The following EVC2 variants were observed in gnomAD, a reference collection of about 807,000 sequenced individuals.
EVC2 encodes limbin.
A neutral mutation model predicts 149.3 loss-of-function variants in EVC2; 148 were observed. The observed-to-expected ratio is 0.99, with a 90% confidence interval of 0.87 to 1.14. The LOEUF is 1.14. Among genes scored for constraint, EVC2 ranks in the 50% most tolerant of loss-of-function variants. The pLI, the probability that EVC2 is intolerant of heterozygous loss-of-function variation, is 0.00. For missense variants in EVC2, 1,854 were observed against 1,627.3 expected, an observed-to-expected ratio of 1.14 and a Z score of -2.40; for synonymous variants, 776 against 649.9, an observed-to-expected ratio of 1.19 and a Z score of -2.95.
intron 10 of EVC2, among the ~76,000 whole-genome samples, chr4:5,632,812 T>C (rs1381932151): frequency 1.3e-5 from 2 of 152,122 alleles, no homozygotes; most frequent in Non-Finnish European, 2.9e-5. Flanking sequence ...AGTAAGGAGC[T>C]GAGATATTAT....
intron 16 of EVC2, among the ~76,000 whole-genome samples, chr4:5,588,794 A>G (rs1712528863): frequency 6.6e-6 from 1 of 152,208 alleles, no homozygotes; most frequent in Non-Finnish European, 1.5e-5. Flanking sequence ...TTTTTTGAAC[A>G]TATTAAACAA....
intron 21 of EVC2, among the ~76,000 whole-genome samples, chr4:5,549,134 G>A (rs1721683650): frequency 6.6e-6 from 1 of 152,016 alleles, no homozygotes; most frequent in Admixed American, 6.6e-5. Flanking sequence ...AAACTGAATA[G>A]CAACAATAAA....
At chr4:5,671,621 C>T in intron 7 of EVC2, among the ~76,000 whole-genome samples, 1 of 152,312 alleles carries the variant, frequency 6.6e-6, no homozygotes, top group East Asian at 1.9e-4. Context: ...AAGCGATTCT[C>T]CTGCCTCAGC....
chr4:5,531,311 T>C, the EVC2 span, among the ~76,000 whole-genome samples: 1 of 152,182 alleles, frequency 6.6e-6, no homozygotes, highest in Non-Finnish European at 1.5e-5. Flanking sequence ...AGGAGATTGG[T>C]TCCAGGACCC....
intron 21 of EVC2, among the ~76,000 whole-genome samples, chr4:5,557,374 A>G (rs1721857308): frequency 6.6e-6 from 1 of 152,278 alleles, no homozygotes; most frequent in South Asian, 2.1e-4. Context: ...CACATACGAT[A>G]AAATCTCTCA....
chr4:5,665,571 G>A lies in EVC2; in HGVS notation c.949C>T (p.Leu317Phe). The A allele has an allele frequency of 1.2e-6, 2 of 1,614,212 alleles. No homozygotes were observed. The highest frequency in any genetic ancestry group is 1.1e-5 in the South Asian group (1 of 91,084). The change falls in exon 8 of 22, where the codon CTC (leucine) becomes TTC (phenylalanine). Residue 317 changes from leucine (L) to phenylalanine (F), a missense_variant. Leu to Phe is a conservative substitution (Grantham distance 22). Transcript: ENST00000344408. Reference sequence around the variant, plus strand: ...CACTGATAGCGAACCATGAGGAAGAGGGCAGCCCAGGTCAGCACAAGGGAG... The same window carrying A: ...CACTGATAGCGAACCATGAGGAAGAAGGCAGCCCAGGTCAGCACAAGGGAG... ...LLSLVLTWAA[L>F]FLMVRYQCLK...
chr4:5,695,347 CAA>C (rs554000879), intron 2 of EVC2, among the ~76,000 whole-genome samples: 3 of 110,686 alleles, frequency 2.7e-5, no homozygotes, highest in Admixed American at 1.0e-4. Flanking sequence ...GACTCCATCT[CAA>C]AAAAAAAAAA....
Position 5,628,732 on chromosome 4 carries a change from C to G in EVC2, c.1713G>C (p.Glu571Asp), listed in dbSNP as rs756271071. 3 of 1,592,574 alleles carry G rather than the reference C, an allele frequency of 1.9e-6. No homozygotes were observed. Among genetic ancestry groups the G allele is most frequent in the South Asian group, 2.2e-5 (2 of 90,462 alleles). The stretch of plus-strand genomic sequence containing the variant: ...AAAAGTCCATTAACTCTTCTACATT[C>G]TCCTGTCAATTAAAAAAAAAAACAA... ...MLLQNYSKIQ[E>D]NVEELMDFFQ... The change falls in exon 12 of 22, where the codon GAG (glutamate) becomes GAC (aspartate). Residue 571 changes from glutamate to aspartate, a missense_variant and splice_region_variant. Physicochemically the swap from Glu to Asp is conservative, Grantham distance 45. Coordinates refer to ENST00000344408, the MANE Select transcript of EVC2 (RefSeq NM_147127.5).
chr4:5,631,705 G>C, intron 11 of EVC2, 88 bp downstream of exon 11: 2 of 1,556,054 alleles, frequency 1.3e-6, no homozygotes, highest in Middle Eastern at 3.9e-4. Context: ...GTACAAAGGA[G>C]AGGCAGGACT....
chr4:5,600,367 T>TA (rs1272941901), intron 16 of EVC2, among the ~76,000 whole-genome samples: 1 of 152,168 alleles, frequency 6.6e-6, no homozygotes, highest in African/African-American at 2.4e-5. Context: ...ACAAAACAGA[T>TA]AAAAATAATG....
chr4:5,576,587 G>A lies in EVC2; in HGVS notation c.3058-133C>T. The A allele has an allele frequency of 6.7e-7, 1 of 1,485,856 alleles. No homozygotes were observed. Among genetic ancestry groups the A allele is most frequent in the Non-Finnish European group, 9.1e-7 (1 of 1,104,962 alleles). The allele number at this position is 1,485,856 out of a possible 1,614,324, so 92.0% of individuals were successfully genotyped here. A position where few individuals can be genotyped will look rare whatever the true frequency, so the allele number is the denominator to read the frequency against. On this transcript the variant is annotated intron_variant, in intron 17 of 21. Transcript: ENST00000344408. This position sits in a 1 kb window ranked among gnomAD's most constrained non-coding sequence, Gnocchi z 4.5. ...CTTGCCTGGTTCCCCATCCAGCTGTGCCACATGGTGCAATGTGAGTGCACC... is the reference window on the plus strand; with the variant it reads ...CTTGCCTGGTTCCCCATCCAGCTGTACCACATGGTGCAATGTGAGTGCACC...
intron 16 of EVC2, among the ~76,000 whole-genome samples, chr4:5,590,524 G>A (rs1320759082): frequency 6.6e-6 from 1 of 152,054 alleles, no homozygotes; most frequent in East Asian, 1.9e-4. Flanking sequence ...TCTTCCAAAA[G>A]ACTCCACCCC....
At chr4:5,684,340 C>T (rs1028936008) in intron 6 of EVC2, among the ~76,000 whole-genome samples, 3 of 152,170 alleles carry the variant, frequency 2.0e-5, no homozygotes. Flanking sequence ...AGCAGAACCA[C>T]CACACTGGCC....
Position 5,640,657 on chromosome 4 carries a change from T to C in EVC2, c.1327A>G (p.Ile443Val), listed in dbSNP as rs777183697. 4.3e-6 allele frequency: 7 copies of C among 1,614,054 alleles called. No individual in the cohort carries two copies. The highest frequency in any genetic ancestry group is 5.9e-6 in the Non-Finnish European group (7 of 1,180,032). ...ATCTTCCGATCGTACTCCTCTTGTA[T>C]TTCATTTTCCAGCAATAGAAACTGC... ...KKQFLLLENE[I>V]QEEYDRKMVA... Residue 443 changes from isoleucine to valine, a missense_variant, in exon 10 of 22, where the codon ATA (isoleucine) becomes GTA (valine). Transcript: ENST00000344408. The surrounding 1 kb of genome is among the most constrained non-coding windows in gnomAD (Gnocchi z 4.6).
At chr4:5,663,624 C>T (rs1229834836) in intron 8 of EVC2, among the ~76,000 whole-genome samples, 7 of 152,236 alleles carry the variant, frequency 4.6e-5, no homozygotes, top group Non-Finnish European at 7.4e-5. Flanking sequence ...AGTTTCTAAT[C>T]GGAATATAGG....
chr4:5,703,372 C>A (rs977983333), intron 1 of EVC2, among the ~76,000 whole-genome samples: 2 of 152,184 alleles, frequency 1.3e-5, no homozygotes, highest in Admixed American at 6.5e-5. Flanking sequence ...GAAAGCTGGA[C>A]TGAGCACCAA....
At chr4:5,703,068 T>A (rs1383939976) in intron 1 of EVC2, among the ~76,000 whole-genome samples, 1 of 152,080 alleles carries the variant, frequency 6.6e-6, no homozygotes, top group East Asian at 1.9e-4. Flanking sequence ...CATCAATAGG[T>A]TCATGGCAAC....
At chr4:5,662,165 T>G (rs1718922702) in intron 9 of EVC2, among the ~76,000 whole-genome samples, 1 of 152,246 alleles carries the variant, frequency 6.6e-6, no homozygotes, top group South Asian at 2.1e-4. Context: ...ACCTTGCTCC[T>G]TTCACGTCCT....
intron 16 of EVC2, among the ~76,000 whole-genome samples, chr4:5,612,921 CCAAAAAAAAAAAAAAA>C (rs1411498365): frequency 1.2e-4 from 8 of 69,184 alleles, no homozygotes; most frequent in Admixed American, 8.8e-4. Flanking sequence ...GACTCTGTCT[CCAAAAAAAAAAAAAAA>C]AAAAAAAAAA....
Sources: gnomAD v4.1 joint callset for allele counts (sites outside exome capture counted in the v4.1 genomes callset) on GRCh38, gnomAD v4.1.1 for gene constraint, Gnocchi (gnomAD v3.1) non-coding constraint, MANE v1.5 for transcripts, NCBI Gene and HGNC (gene_info 2026-07-23, HGNC 2026-07-21) for gene names.